Variants in ELP3 observed in about 807,000 individuals in gnomAD.
The protein encoded by ELP3 is elongator complex protein 3.
In ELP3, 56 loss-of-function variants were observed where a neutral mutation model predicts 74.9. That is an observed-to-expected ratio of 0.75 (90% CI 0.60 to 0.93). The LOEUF is 0.93. Ranked by LOEUF, ELP3 falls within the 40% of genes least tolerant of loss-of-function variation. The pLI, the probability that ELP3 is intolerant of heterozygous loss-of-function variation, is 0.00. For synonymous variants in ELP3, 222 were observed against 239.8 expected (o/e 0.93, Z 0.68); for missense variants, 573 against 686.5 (o/e 0.83, Z 1.85).
Position 28,169,238 on chromosome 8 carries a change from C to G in ELP3, c.1567+7160C>G, listed in dbSNP as rs1281712863. ...GATCTCTACCTGCGTGATCTGTTGC[C>G]TCACTGCAAATCCTAATAATTAGTG... On this transcript the variant is annotated intron_variant, in intron 14 of 14. Coordinates refer to ENST00000256398, the MANE Select transcript of ELP3 (RefSeq NM_018091.6). 2.0e-5 allele frequency among the ~76,000 whole-genome samples: 3 copies of G among 152,222 alleles called. No individual in the cohort carries two copies. In the East Asian group the frequency reaches 5.8e-4, roughly 29 times the overall value.
At chr8:28,152,208 G>A (rs556675318) in intron 10 of ELP3, among the ~76,000 whole-genome samples, 9 of 152,312 alleles carry the variant, frequency 5.9e-5, no homozygotes, top group African/African-American at 2.2e-4. Context: ...ACTTTTCAGA[G>A]TGTTGACCTT....
rs1276761191 is a variant in ELP3, at chr8:28,121,572, G to A, written c.618-7930G>A. On this transcript the variant is annotated intron_variant, in intron 7 of 14. Transcript: ENST00000256398. ...CGGCCTCAGGTGATCCGCCCACTTC[G>A]GCCTCCCAAAGTGCTGGGATTACAG... Among the ~76,000 whole-genome samples the A allele has an allele frequency of 5.9e-5, 9 of 151,986 alleles. 1 individual carries two copies. Among genetic ancestry groups the A allele is most frequent in the African/African-American group, 1.7e-4 (7 of 41,470 alleles).
At chr8:28,149,844 G>T (rs1813574283) in intron 10 of ELP3, among the ~76,000 whole-genome samples, 1 of 151,886 alleles carries the variant, frequency 6.6e-6, no homozygotes, top group Non-Finnish European at 1.5e-5. Flanking sequence ...CTCGTTCTTT[G>T]TTTCTATTTT....
chr8:28,138,953 G>C (rs1813107214), intron 10 of ELP3, among the ~76,000 whole-genome samples: 1 of 152,058 alleles, frequency 6.6e-6, no homozygotes, highest in Non-Finnish European at 1.5e-5. Context: ...CCTTCCCCTT[G>C]TTGTTCAACC....
In ELP3 at chr8:28,189,906, C is replaced by G. The variant is rs1350040708; in HGVS notation, c.*181C>G. 3.4e-6 allele frequency: 2 copies of G among 586,428 alleles called. No homozygotes were observed. The highest frequency in any genetic ancestry group is 5.9e-6 in the Non-Finnish European group (2 of 336,662). 36.3% of individuals were successfully genotyped at this position (586,428 alleles called of 1,614,324 possible). A position where few individuals can be genotyped will look rare whatever the true frequency, so the allele number is the denominator to read the frequency against. On this transcript the variant is annotated 3_prime_UTR_variant, in exon 15 of 15. Transcript: ENST00000256398. ...GGCTGGTCATCTGCTGACCACACCC[C>G]AGATCCGCCCTCTCCTGCGTGCACC...
In ELP3 at chr8:28,184,987, G is replaced by A. The variant is rs567808130; in HGVS notation, c.1568-4662G>A. Among the ~76,000 whole-genome samples the A allele has an allele frequency of 2.0e-5, 3 of 151,882 alleles. No individual in the cohort carries two copies. The East Asian group carries it at 5.8e-4, about 29-fold the overall frequency. On this transcript the variant is annotated intron_variant, in intron 14 of 14. Transcript: ENST00000256398. ...CCATCTCAAAAAAAAAAAAAAGAGA[G>A]AGATCTCCTGGGTGAATTGTCCCTG...
upstream of ELP3, chr8:28,090,319 T>C (rs1811018637): frequency 2.0e-5 from 8 of 400,854 alleles, no homozygotes; most frequent in Admixed American, 2.7e-5. Flanking sequence ...TGGTGGTGAA[T>C]CCTCCATAGT....
At chr8:28,110,570 T>C in intron 6 of ELP3, 132 bp downstream of exon 6, 1 of 745,908 alleles carries the variant, frequency 1.3e-6, no homozygotes, top group East Asian at 2.8e-5. Context: ...GTTTTCAATA[T>C]CCATTTGAGG....
rs936147651 is a variant in ELP3 at position 28,106,756 on chromosome 8, A to T, written c.302A>T (p.His101Leu). ...ATGTGCAAACCCCACAGATGTCCAC[A>T]CATCAGTTTTACAGGAAATATATGT... ...AVMCKPHRCPHISFTGNICVY... is the reference protein window; with the variant it reads ...AVMCKPHRCPLISFTGNICVY... Residue 101 changes from histidine to leucine, a missense_variant, in exon 4 of 15, where the codon CAC (histidine) becomes CTC (leucine). His to Leu is a moderately conservative substitution (Grantham distance 99). Coordinates refer to ENST00000256398, the MANE Select transcript of ELP3 (RefSeq NM_018091.6). 1 of 1,612,918 alleles carries T rather than the reference A, an allele frequency of 6.2e-7. No homozygotes were observed.
At chr8:28,178,178 A>T (rs7845797) in intron 14 of ELP3, among the ~76,000 whole-genome samples, 11 of 152,324 alleles carry the variant, frequency 7.2e-5, no homozygotes, top group African/African-American at 2.6e-4. Flanking sequence ...GAAATTTCTC[A>T]TAGTTCTAGA....
chr8:28,164,021 G>GCTA (rs1221549151), intron 14 of ELP3, among the ~76,000 whole-genome samples: 2 of 152,168 alleles, frequency 1.3e-5, no homozygotes, highest in East Asian at 3.8e-4. Flanking sequence ...TCCTTGCAGT[G>GCTA]CTACACTCCC....
rs1229330053 is a variant in ELP3, at chr8:28,174,518, A to T, written c.1567+12440A>T. Among the ~76,000 whole-genome samples, 3 of 152,256 alleles carry T rather than the reference A, an allele frequency of 2.0e-5. No individual in the cohort carries two copies. In the East Asian group the frequency reaches 5.8e-4, roughly 29 times the overall value. On this transcript the variant is annotated intron_variant, in intron 14 of 14. Transcript: ENST00000256398. ...ATAATACCAAGTGAGTTTTAATAGT[A>T]TGCAAACACTCTGCTCCTATACATC...
intron 3 of ELP3, among the ~76,000 whole-genome samples, chr8:28,102,857 T>C (rs1395070369): frequency 6.6e-6 from 1 of 152,168 alleles, no homozygotes; most frequent in Non-Finnish European, 1.5e-5. Flanking sequence ...TCATATGAAA[T>C]AGTTTCACTA....
chr8:28,161,107 C>T (rs1455801250), intron 13 of ELP3, among the ~76,000 whole-genome samples: 2 of 152,166 alleles, frequency 1.3e-5, no homozygotes. Flanking sequence ...TGAAACACTT[C>T]CTAAGGTTAA....
chr8:28,110,783 T>C (rs1392806042), intron 6 of ELP3: 3 of 225,208 alleles, frequency 1.3e-5, no homozygotes, highest in Non-Finnish European at 2.6e-5. Flanking sequence ...AAAGTCAGAT[T>C]AAGAAGTATT....
intron 14 of ELP3, among the ~76,000 whole-genome samples, chr8:28,185,067 G>C (rs1815184425): frequency 2.0e-5 from 3 of 152,072 alleles, no homozygotes; most frequent in African/African-American, 7.2e-5. Context: ...CTGCACTTTT[G>C]TGTGTTTGAC....
chr8:28,180,624 A>G (rs1484894796), intron 14 of ELP3, among the ~76,000 whole-genome samples: 2 of 152,164 alleles, frequency 1.3e-5, no homozygotes, highest in Non-Finnish European at 2.9e-5. Context: ...TTTGCTGAGC[A>G]TTTTATATGA....
chr8:28,106,850 C>A, intron 4 of ELP3, 67 bp downstream of exon 4: 1 of 1,192,386 alleles, frequency 8.4e-7, no homozygotes, highest in Non-Finnish European at 1.2e-6. Flanking sequence ...CCCTCTAGCC[C>A]TTAGTCAGTA....
intron 9 of ELP3, 64 bp downstream of exon 9, chr8:28,132,468 T>C: frequency 6.2e-7 from 1 of 1,602,466 alleles, no homozygotes; most frequent in Non-Finnish European, 8.5e-7. Context: ...CCATCTGGTC[T>C]TGTTGCTTGT....
Sources: allele counts gnomAD v4.1 joint callset (sites outside exome capture counted in the v4.1 genomes callset), GRCh38; gene constraint gnomAD v4.1.1; transcripts MANE v1.5; gene names NCBI Gene and HGNC (gene_info 2026-07-23, HGNC 2026-07-21).